The following ZNF292 variants were observed in gnomAD, a reference collection of about 807,000 sequenced individuals.
ZNF292 encodes the protein 16 zinc-finger domain protein.
A neutral mutation model predicts 217.9 loss-of-function variants in ZNF292; 26 were observed. That is an observed-to-expected ratio of 0.12 (90% CI 0.09 to 0.17). The LOEUF is 0.17. Among genes scored for constraint, ZNF292 ranks in the 10% least tolerant of loss-of-function variants. The pLI is 1.00. For missense variants in ZNF292, 2,904 were observed against 3,175.2 expected, an observed-to-expected ratio of 0.91 and a Z score of 2.05; for synonymous variants, 1,257 against 1,124.1, an observed-to-expected ratio of 1.12 and a Z score of -2.37.
intron 1 of ZNF292, among the ~76,000 whole-genome samples, chr6:87,169,222 GT>G (rs1448704588): frequency 2.6e-5 from 4 of 151,914 alleles, no homozygotes; most frequent in South Asian, 2.1e-4. Context: ...TGTATTTTTA[GT>G]GAAGACGGGG....
At chr6:87,215,490 TTTG>T (rs1475423044) in intron 1 of ZNF292, among the ~76,000 whole-genome samples, 4 of 152,156 alleles carry the variant, frequency 2.6e-5, no homozygotes, top group Admixed American at 2.6e-4. Context: ...CATGATTTAT[TTTG>T]TTGTTCAATA....
chr6:87,248,481 GCCT>G (rs368025297), intron 7 of ZNF292, among the ~76,000 whole-genome samples: 4 of 152,222 alleles, frequency 2.6e-5, no homozygotes, highest in African/African-American at 9.6e-5. Context: ...GGGAGTGCAC[GCCT>G]GAGTCCCAGG....
rs768826330 is a variant in ZNF292, at chr6:87,259,925, C to T, written c.6296C>T (p.Ser2099Phe). ...KEEKKRKKPVSQSLEFPTRYS... is the reference protein window; with the variant it reads ...KEEKKRKKPVFQSLEFPTRYS... ...GAGAAAAAACGAAAGAAGCCAGTTT[C>T]CCAATCCCTTGAGTTTCCAACAAGA... The change falls in exon 8 of 8, where the codon TCC (serine) becomes TTC (phenylalanine). Residue 2099 changes from serine (S) to phenylalanine (F), a missense_variant. Coordinates refer to ENST00000369577, the MANE Select transcript of ZNF292 (RefSeq NM_015021.3). 2 of 1,613,618 alleles carry T rather than the reference C, an allele frequency of 1.2e-6. No individual in the cohort carries two copies. Among genetic ancestry groups the T allele is most frequent in the Non-Finnish European group, 1.7e-6 (2 of 1,179,686 alleles).
chr6:87,218,018 A>G (rs971316785), intron 3 of ZNF292, among the ~76,000 whole-genome samples: 6 of 152,278 alleles, frequency 3.9e-5, no homozygotes, highest in Non-Finnish European at 5.9e-5. Flanking sequence ...AATAAAAACT[A>G]TTGGTCTTTT....
At chr6:87,226,577 C>T in intron 4 of ZNF292, among the ~76,000 whole-genome samples, 1 of 149,430 alleles carries the variant, frequency 6.7e-6, no homozygotes, top group Non-Finnish European at 1.5e-5. Context: ...TTTTTAAACG[C>T]ACTCTTTGGT....
At chr6:87,222,806 A>G (rs1773152574) in intron 4 of ZNF292, 1 of 452,840 alleles carries the variant, frequency 2.2e-6, no homozygotes, top group East Asian at 7.0e-5. Context: ...TTTAGTCGTC[A>G]TGTCTTCTTA....
At chr6:87,236,407 A>G (rs11968185) in intron 5 of ZNF292, among the ~76,000 whole-genome samples, 3 of 132,002 alleles carry the variant, frequency 2.3e-5, no homozygotes, top group Non-Finnish European at 3.2e-5. Context: ...TTTTTTTTTA[A>G]AAAAGAAAAG....
chr6:87,251,670 T>C (rs1463475812), intron 7 of ZNF292, among the ~76,000 whole-genome samples: 1 of 152,230 alleles, frequency 6.6e-6, no homozygotes, highest in Non-Finnish European at 1.5e-5. Flanking sequence ...TATAGAAAAT[T>C]GTTGTGAATT....
intron 1 of ZNF292, among the ~76,000 whole-genome samples, chr6:87,186,393 C>G (rs999137420): frequency 6.6e-6 from 1 of 152,206 alleles, no homozygotes; most frequent in Non-Finnish European, 1.5e-5. Context: ...TTTTCATTCC[C>G]TCTTAGTTCT....
rs552231491 is a variant in ZNF292 at position 87,157,835 on chromosome 6, T to G, written c.168+2076T>G. Among the ~76,000 whole-genome samples, 85 of 152,276 alleles carry G rather than the reference T, an allele frequency of 5.6e-4. No individual in the cohort carries two copies. The East Asian group carries it at 0.015, about 27-fold the overall frequency. The stretch of plus-strand genomic sequence containing the variant: ...TCCCAAGTAACTGGGACTACAGGCG[T>G]GCGCCACCAAGCCCAGCTAATTTTT... On this transcript the variant is annotated intron_variant, in intron 1 of 7. Transcript: ENST00000369577.
At chr6:87,159,094 C>G (rs1770635590) in intron 1 of ZNF292, among the ~76,000 whole-genome samples, 1 of 152,198 alleles carries the variant, frequency 6.6e-6, no homozygotes, top group Non-Finnish European at 1.5e-5. Flanking sequence ...GTGAAACCCA[C>G]AGAAACAGGA....
chr6:87,258,060 C>T lies in ZNF292; in HGVS notation c.4431C>T (p.Asn1477=). The T allele has an allele frequency of 6.2e-7, 1 of 1,613,796 alleles. No homozygotes were observed. Among genetic ancestry groups the T allele is most frequent in the East Asian group, 2.2e-5 (1 of 44,888 alleles). ...CATTTCCTCGATCTGGTGTGACTAACTTTAATACCAGTGTCAGTCAAGAAG... is the reference window on the plus strand; with the variant it reads ...CATTTCCTCGATCTGGTGTGACTAATTTTAATACCAGTGTCAGTCAAGAAG... ...PNTFPRSGVT[N]FNTSVSQEGS... The change falls in exon 8 of 8, where the codon AAC becomes AAT. Residue 1477 remains asparagine, a synonymous_variant. Coordinates refer to ENST00000369577, the MANE Select transcript of ZNF292 (RefSeq NM_015021.3).
rs1773363073 is a variant in ZNF292, at chr6:87,226,655, A to ACACACAC, written c.539-6670_539-6669insCACACAC. Among the ~76,000 whole-genome samples the ACACACAC allele has an allele frequency of 4.3e-4, 42 of 98,408 alleles. No homozygotes were observed. The South Asian group carries it at 0.01, about 24-fold the overall frequency. 64.6% of individuals were successfully genotyped at this position (98,408 alleles called of 152,430 possible). ...TATATATATCTATATATCTATATATATATAGATATATAGATATATAGATAT... is the reference window on the plus strand; with the variant it reads ...TATATATATCTATATATCTATATATACACACACTATAGATATATAGATATATAGATAT... On this transcript the variant is annotated intron_variant, in intron 4 of 7. Coordinates refer to ENST00000369577, the MANE Select transcript of ZNF292 (RefSeq NM_015021.3).
intron 7 of ZNF292, 135 bp from the exon 8 acceptor site, chr6:87,254,510 GTGCTT>G (rs1464978328): frequency 1.3e-6 from 1 of 772,082 alleles, no homozygotes; most frequent in East Asian, 2.5e-5. Context: ...CTAAGCTGCA[GTGCTT>G]TAGAAGGGGA....
At position 87,264,785 on chromosome 6, in the gene ZNF292, GTT is replaced by G. The variant is rs1033912573; in HGVS notation, c.*2985_*2986del. Among the ~76,000 whole-genome samples, 1 of 152,150 alleles carries G rather than the reference GTT, an allele frequency of 6.6e-6. No homozygotes were observed. Among genetic ancestry groups the G allele is most frequent in the Non-Finnish European group, 1.5e-5 (1 of 68,022 alleles). ...GTCTTTATTTTGGTTTTTGAAAATT[GTT>G]ATTGGATGCATGTATATTGAACAAT... On this transcript the variant is annotated 3_prime_UTR_variant, in exon 8 of 8. Transcript: ENST00000369577.
chr6:87,251,440 G>A (rs773102431), intron 7 of ZNF292, among the ~76,000 whole-genome samples: 1 of 152,170 alleles, frequency 6.6e-6, no homozygotes, highest in Non-Finnish European at 1.5e-5. Context: ...AAAGGCAATG[G>A]GAAGAGGGTA....
intron 1 of ZNF292, among the ~76,000 whole-genome samples, chr6:87,199,463 C>G (rs1772047514): frequency 6.6e-6 from 1 of 151,980 alleles, no homozygotes; most frequent in African/African-American, 2.4e-5. Flanking sequence ...TTAATGGGGT[C>G]TTTTGAAGTG....
In ZNF292 at chr6:87,255,271, G is replaced by A. The variant is rs1359114201; in HGVS notation, c.1642G>A (p.Asp548Asn). The A allele has an allele frequency of 6.2e-7, 1 of 1,613,850 alleles. No homozygotes were observed. Among genetic ancestry groups the A allele is most frequent in the African/African-American group, 1.3e-5 (1 of 75,056 alleles). ...QAYMQYCVLCDKEFLGHRIVR... is the reference protein window; with the variant it reads ...QAYMQYCVLCNKEFLGHRIVR... ...CTACATGCAGTATTGTGTGTTGTGTGACAAAGAATTCCTTGGTCACAGAAT... is the reference window on the plus strand; with the variant it reads ...CTACATGCAGTATTGTGTGTTGTGTAACAAAGAATTCCTTGGTCACAGAAT... The change falls in exon 8 of 8, where the codon GAC (aspartate) becomes AAC (asparagine). Residue 548 changes from aspartate (D) to asparagine (N), a missense_variant. Physicochemically the swap from Asp to Asn is conservative, Grantham distance 23. Around this residue, in one of 15 missense-constraint regions of ZNF292, gnomAD observed 87 missense variants for 99.6 expected, o/e 0.87. Coordinates refer to ENST00000369577, the MANE Select transcript of ZNF292 (RefSeq NM_015021.3).
chr6:87,257,797 C>G lies in ZNF292; in HGVS notation c.4168C>G (p.Leu1390Val). 6.2e-7 allele frequency: 1 copy of G among 1,613,824 alleles called. No individual in the cohort carries two copies. Among genetic ancestry groups the G allele is most frequent in the Non-Finnish European group, 8.5e-7 (1 of 1,179,792 alleles). The change falls in exon 8 of 8, where the codon CTG becomes GTG. Residue 1390 changes from leucine to valine, a missense_variant. Leu to Val is a conservative substitution (Grantham distance 32). Transcript: ENST00000369577. Reference sequence around the variant, plus strand: ...CAGGGCTTTTACTAATCCCAGATCACTGGGTGGGCACTTATCCAAGCGATC... The same window carrying G: ...CAGGGCTTTTACTAATCCCAGATCAGTGGGTGGGCACTTATCCAAGCGATC... The part of the protein sequence containing the change: ...CYRAFTNPRS[L>V]GGHLSKRSYC...
Sources: gnomAD v4.1 joint callset for allele counts (sites outside exome capture counted in the v4.1 genomes callset) on GRCh38, gnomAD v4.1.1 for gene constraint, gnomAD v4.1.1 regional missense constraint, MANE v1.5 for transcripts, NCBI Gene and HGNC (gene_info 2026-07-23, HGNC 2026-07-21) for gene names.